The following CSMD1 variants were observed in gnomAD, a reference collection of about 807,000 sequenced individuals.
CSMD1 encodes CUB and sushi domain-containing protein 1.
A neutral mutation model predicts 417.5 loss-of-function variants in CSMD1; 213 were observed. That is an observed-to-expected ratio of 0.51 (90% CI 0.46 to 0.57). The LOEUF (loss-of-function observed/expected upper bound fraction) is 0.57. Among genes scored for constraint, CSMD1 ranks in the 20% least tolerant of loss-of-function variants. CSMD1 has a pLI of 0.00. For missense variants in CSMD1, 6,923 were observed against 4,529.7 expected (o/e 1.53, Z -15.17); for synonymous variants, 2,862 against 1,736.8 (o/e 1.65, Z -16.11).
chr8:4,991,838 C>T (rs1194916661), intron 1 of CSMD1, among the ~76,000 whole-genome samples: 4 of 152,206 alleles, frequency 2.6e-5, no homozygotes, highest in Admixed American at 2.0e-4. Context: ...CAGGCCGGTA[C>T]AGGAGCTCGC....
At position 4,194,401 on chromosome 8, in the gene CSMD1, G is replaced by T. The variant is rs73658463; in HGVS notation, c.416-162302C>A. The stretch of plus-strand genomic sequence containing the variant: ...CATTGGCATCAGTCATGAAACAATG[G>T]ACACTCCAAATAGCTTGTAAAATAT... On this transcript the variant is annotated intron_variant, in intron 3 of 69. Transcript: ENST00000635120. 6.9e-3 allele frequency among the ~76,000 whole-genome samples: 1,047 copies of T among 152,236 alleles called. 20 individuals carry two copies. The highest frequency in any genetic ancestry group is 0.024 in the African/African-American group (1,014 of 41,500).
Position 3,605,113 on chromosome 8 carries a change from G to A in CSMD1, c.1097+11597C>T, listed in dbSNP as rs369318539. On this transcript the variant is annotated intron_variant, in intron 8 of 69. Transcript: ENST00000635120. ...AGGTTCAAGTGATTCTCCTGCCTCA[G>A]CCTCCCGAGTAGCTGGGACTACAGG... Among the ~76,000 whole-genome samples, 3 of 152,112 alleles carry A rather than the reference G, an allele frequency of 2.0e-5. No individual in the cohort carries two copies. In the East Asian group the frequency reaches 5.8e-4, roughly 29 times the overall value.
chr8:4,194,681 A>G (rs1271610074), intron 3 of CSMD1, among the ~76,000 whole-genome samples: 1 of 152,180 alleles, frequency 6.6e-6, no homozygotes, highest in Non-Finnish European at 1.5e-5. Context: ...GGGGAAAAGG[A>G]TCATACAACA....
At chr8:4,198,521 G>A (rs936294943) in intron 3 of CSMD1, among the ~76,000 whole-genome samples, 3 of 152,106 alleles carry the variant, frequency 2.0e-5, no homozygotes, top group African/African-American at 7.2e-5. Context: ...TGGATTTGGG[G>A]GATGAGAAAG....
intron 5 of CSMD1, among the ~76,000 whole-genome samples, chr8:3,904,761 C>G (rs2129135844): frequency 6.6e-6 from 1 of 151,986 alleles, no homozygotes; most frequent in Non-Finnish European, 1.5e-5. Flanking sequence ...CTCAGCCTCC[C>G]AAGTAGCTGA....
At chr8:3,881,779 C>T (rs1056095162) in intron 5 of CSMD1, among the ~76,000 whole-genome samples, 2 of 151,896 alleles carry the variant, frequency 1.3e-5, no homozygotes, top group African/African-American at 2.4e-5. Context: ...TCTGAATGGT[C>T]GATGCAAGGA....
intron 1 of CSMD1, among the ~76,000 whole-genome samples, chr8:4,732,862 C>T (rs1265079083): frequency 2.0e-5 from 3 of 152,196 alleles, no homozygotes; most frequent in Non-Finnish European, 4.4e-5. Context: ...CACACTCATT[C>T]ATTTAGCAAG....
chr8:4,353,821 T>C (rs901943516), intron 3 of CSMD1, among the ~76,000 whole-genome samples: 1 of 152,220 alleles, frequency 6.6e-6, no homozygotes, highest in African/African-American at 2.4e-5. Flanking sequence ...AAAACCAGTG[T>C]TCTTCTCTCC....
At chr8:4,300,911 C>G (rs569202792) in intron 3 of CSMD1, among the ~76,000 whole-genome samples, 1 of 152,312 alleles carries the variant, frequency 6.6e-6, no homozygotes, top group African/African-American at 2.4e-5. Flanking sequence ...ATATGTGCCA[C>G]ATTTTCTTAA....
At chr8:3,754,071 C>G in intron 5 of CSMD1, 29 bp from the exon 6 acceptor site, 7 of 1,463,784 alleles carry the variant, frequency 4.8e-6, no homozygotes, top group Non-Finnish European at 6.7e-6. Flanking sequence ...AAAAAAATCT[C>G]CCTTGTAAAC....
chr8:4,069,764 T>C (rs750154666), intron 3 of CSMD1, among the ~76,000 whole-genome samples: 2 of 152,312 alleles, frequency 1.3e-5, no homozygotes, highest in Non-Finnish European at 2.9e-5. Flanking sequence ...TTCACCTTTA[T>C]CTTCCAAACT....
chr8:4,112,671 A>T (rs1486565546), intron 3 of CSMD1, among the ~76,000 whole-genome samples: 3 of 152,196 alleles, frequency 2.0e-5, no homozygotes. Flanking sequence ...CAAACCCCAG[A>T]CAAGCCCCTA....
intron 10 of CSMD1, among the ~76,000 whole-genome samples, chr8:3,534,606 G>C (rs891549836): frequency 6.6e-6 from 1 of 151,726 alleles, no homozygotes; most frequent in Non-Finnish European, 1.5e-5. Flanking sequence ...TGTTTCCTAA[G>C]GGCTTTTCTG....
At chr8:3,182,939 T>C (rs2129048406) in intron 36 of CSMD1, 2 of 135,248 alleles carry the variant, frequency 1.5e-5, no homozygotes, top group East Asian at 4.5e-4. Context: ...AAGGGGTTGT[T>C]AGTAGAGAAG....
At chr8:3,245,768 T>G (rs1337163396) in intron 26 of CSMD1, among the ~76,000 whole-genome samples, 4 of 152,200 alleles carry the variant, frequency 2.6e-5, no homozygotes, top group African/African-American at 9.7e-5. Context: ...GACTATGTGT[T>G]GACCAAGGGT....
At chr8:4,302,639 G>C (rs543528248) in intron 3 of CSMD1, among the ~76,000 whole-genome samples, 55 of 152,158 alleles carry the variant, frequency 3.6e-4, no homozygotes, top group Admixed American at 3.5e-3. Flanking sequence ...CTGACACAAA[G>C]GTCAAAACTA....
chr8:3,336,143 C>T (rs1563284691), intron 23 of CSMD1, among the ~76,000 whole-genome samples: 1 of 147,716 alleles, frequency 6.8e-6, no homozygotes, highest in Non-Finnish European at 1.5e-5. Context: ...CCTCTGTTCC[C>T]TCATACCTAA....
At chr8:3,901,272 T>A (rs968568770) in intron 5 of CSMD1, among the ~76,000 whole-genome samples, 16 of 152,194 alleles carry the variant, frequency 1.1e-4, no homozygotes, top group Non-Finnish European at 2.4e-4. Context: ...GTTTCTTTGA[T>A]TTTTCCACTT....
intron 5 of CSMD1, among the ~76,000 whole-genome samples, chr8:3,894,757 G>T (rs1157587621): frequency 1.3e-5 from 2 of 152,142 alleles, no homozygotes; most frequent in African/African-American, 2.4e-5. Context: ...AAGTGTCTCT[G>T]CTTCCACATG....
Sources: gnomAD v4.1 joint callset for allele counts (sites outside exome capture counted in the v4.1 genomes callset) on GRCh38, gnomAD v4.1.1 for gene constraint, MANE v1.5 for transcripts, NCBI Gene and HGNC (gene_info 2026-07-23, HGNC 2026-07-21) for gene names.